Variants in PCDHB14 observed in about 807,000 individuals in gnomAD.
PCDHB14 encodes protocadherin beta 14.
For synonymous variants in PCDHB14, 511 were observed against 441.5 expected (o/e 1.16, Z -1.97); for missense variants, 1,129 against 1,000.5 (o/e 1.13, Z -1.73).
At position 141,224,698 on chromosome 5, in the gene PCDHB14, A is replaced by T; in HGVS notation, c.1193A>T (p.Lys398Met). Reference sequence around the variant, plus strand: ...CCTTTTTTCCTGAAACCGACCTTCAAGAACTTTTTCACTCTAGTTTCTGAA... The same window carrying T: ...CCTTTTTTCCTGAAACCGACCTTCATGAACTTTTTCACTCTAGTTTCTGAA... The part of the protein sequence containing the change: ...NLPFFLKPTF[K>M]NFFTLVSEKA... The change falls in exon 1 of 1, where the codon AAG becomes ATG. Residue 398 changes from lysine (K) to methionine (M), a missense_variant. Transcript: ENST00000239449. 6.2e-7 allele frequency: 1 copy of T among 1,614,212 alleles called. No individual in the cohort carries two copies. Among genetic ancestry groups the T allele is most frequent in the East Asian group, 2.2e-5 (1 of 44,880 alleles).
chr5:141,224,538 C>T lies in PCDHB14; in HGVS notation c.1033C>T (p.Pro345Ser). 2.5e-6 allele frequency: 4 copies of T among 1,612,300 alleles called. No homozygotes were observed. In the South Asian group the frequency reaches 3.3e-5, roughly 13 times the overall value. Reference sequence around the variant, plus strand: ...AGTTATGGATATAAACGACAACCCACCAGAAGTGACCATATCGTCGATTAC... The same window carrying T: ...AGTTATGGATATAAACGACAACCCATCAGAAGTGACCATATCGTCGATTAC... Reference protein sequence around the residue: ...VKVMDINDNPPEVTISSITKR... With the variant: ...VKVMDINDNPSEVTISSITKR... Residue 345 changes from proline to serine, a missense_variant, in exon 1 of 1, where the codon CCA becomes TCA. Transcript: ENST00000239449.
Position 141,225,075 on chromosome 5 carries a change from C to T in PCDHB14, c.1570C>T (p.Leu524=). ...FALRSLDYEA[L]QEFEFRVGAT... ...CCTCAGGTCGCTGGACTACGAGGCC[C>T]TACAGGAGTTCGAGTTTCGCGTGGG... Residue 524 remains leucine, a synonymous_variant, in exon 1 of 1, where the codon CTA becomes TTA. Coordinates refer to ENST00000239449, the MANE Select transcript of PCDHB14 (RefSeq NM_018934.4). The T allele has an allele frequency of 1.2e-6, 2 of 1,612,396 alleles. No homozygotes were observed. The highest frequency in any genetic ancestry group is 1.1e-5 in the South Asian group (1 of 91,004).
In PCDHB14 at chr5:141,224,014, A is replaced by T; in HGVS notation, c.509A>T (p.Tyr170Phe). 6.2e-7 allele frequency: 1 copy of T among 1,613,590 alleles called. No homozygotes were observed. ...LDVGSNSLQN[Y>F]TISPNSHFYI... is the part of the protein sequence containing the mutation. ...GTCGGAAGCAACAGTCTCCAAAACT[A>T]CACAATTAGCCCCAATTCTCACTTC... Residue 170 changes from tyrosine (Y) to phenylalanine (F), a missense_variant, in exon 1 of 1, where the codon TAC becomes TTC. By Grantham distance (22) the Tyr-to-Phe change is conservative. Coordinates refer to ENST00000239449, the MANE Select transcript of PCDHB14 (RefSeq NM_018934.4).
In PCDHB14 at chr5:141,224,143, C is replaced by T. The variant is rs1754780230; in HGVS notation, c.638C>T (p.Thr213Ile). The change falls in exon 1 of 1, where the codon ACA becomes ATA. Residue 213 changes from threonine (T) to isoleucine (I), a missense_variant. Thr to Ile is a moderately conservative substitution (Grantham distance 89, BLOSUM62 -1). Coordinates refer to ENST00000239449, the MANE Select transcript of PCDHB14 (RefSeq NM_018934.4). ...EQEAELRLTLTAVDGGSPPKS... is the reference protein window; with the variant it reads ...EQEAELRLTLIAVDGGSPPKS... ...GAAGCTGAACTCAGATTAACACTCACAGCAGTGGATGGTGGATCCCCGCCC... is the reference window on the plus strand; with the variant it reads ...GAAGCTGAACTCAGATTAACACTCATAGCAGTGGATGGTGGATCCCCGCCC... 6.2e-7 allele frequency: 1 copy of T among 1,614,012 alleles called. No individual in the cohort carries two copies. The highest frequency in any genetic ancestry group is 1.7e-5 in the Admixed American group (1 of 60,006).
chr5:141,225,661 C>A lies in PCDHB14; in HGVS notation c.2156C>A (p.Ala719Glu). ...VAVRLCRRSR[A>E]ASVGRCSVPE... ...GTGCGGCTGTGCAGGAGGAGCAGGG[C>A]GGCCTCGGTGGGTCGCTGCTCGGTG... The change falls in exon 1 of 1, where the codon GCG becomes GAG. Residue 719 changes from alanine to glutamate, a missense_variant. Transcript: ENST00000239449. 1.2e-6 allele frequency: 2 copies of A among 1,613,772 alleles called. No individual in the cohort carries two copies. Among genetic ancestry groups the A allele is most frequent in the Non-Finnish European group, 1.7e-6 (2 of 1,180,026 alleles).
At position 141,223,372 on chromosome 5, in the gene PCDHB14, G is replaced by T. The variant is rs566736643; in HGVS notation, c.-134G>T. The T allele has an allele frequency of 1.2e-5, 8 of 654,118 alleles. No individual in the cohort carries two copies. Among genetic ancestry groups the T allele is most frequent in the African/African-American group, 1.1e-4 (6 of 54,738 alleles). 40.5% of individuals were successfully genotyped at this position (654,118 alleles called of 1,614,324 possible). A position where few individuals can be genotyped will look rare whatever the true frequency, so the allele number is the denominator to read the frequency against. Reference sequence around the variant, plus strand: ...AGCATCCAACCCACTGAAAAGACAGGCATTAAAGGAGCTTCGCCTACAGAG... The same window carrying T: ...AGCATCCAACCCACTGAAAAGACAGTCATTAAAGGAGCTTCGCCTACAGAG... On this transcript the variant is annotated 5_prime_UTR_variant, in exon 1 of 1. Transcript: ENST00000239449.
rs142548755 is a variant in PCDHB14 at position 141,225,069 on chromosome 5, G to A, written c.1564G>A (p.Glu522Lys). 4 of 1,612,418 alleles carry A rather than the reference G, an allele frequency of 2.5e-6. No homozygotes were observed. Among genetic ancestry groups the A allele is most frequent in the South Asian group, 2.2e-5 (2 of 90,988 alleles). The change falls in exon 1 of 1, where the codon GAG (glutamate) becomes AAG (lysine). Residue 522 changes from glutamate to lysine, a missense_variant. Glu to Lys is a moderately conservative substitution (Grantham distance 56). Coordinates refer to ENST00000239449, the MANE Select transcript of PCDHB14 (RefSeq NM_018934.4). The part of the protein sequence containing the change: ...HLFALRSLDY[E>K]ALQEFEFRVG... ...GTTTGCCCTCAGGTCGCTGGACTACGAGGCCCTACAGGAGTTCGAGTTTCG... is the reference window on the plus strand; with the variant it reads ...GTTTGCCCTCAGGTCGCTGGACTACAAGGCCCTACAGGAGTTCGAGTTTCG...
chr5:141,224,960 G>A lies in PCDHB14; in HGVS notation c.1455G>A (p.Gln485=), dbSNP rs1754809479. 1 of 1,612,632 alleles carries A rather than the reference G, an allele frequency of 6.2e-7. No individual in the cohort carries two copies. Among genetic ancestry groups the A allele is most frequent in the Non-Finnish European group, 8.5e-7 (1 of 1,180,034 alleles). ...ACAGAGACTCAGGCACCAACGCCCAGGTCAACTACTCGCTGCTGCCGCCCC... is the reference window on the plus strand; with the variant it reads ...ACAGAGACTCAGGCACCAACGCCCAAGTCAACTACTCGCTGCTGCCGCCCC... ...ATDRDSGTNA[Q]VNYSLLPPQD... is the part of the protein sequence containing the mutation. The change falls in exon 1 of 1, where the codon CAG becomes CAA. Residue 485 remains glutamine, a synonymous_variant. Transcript: ENST00000239449.
chr5:141,223,992 G>A lies in PCDHB14; in HGVS notation c.487G>A (p.Gly163Arg), dbSNP rs1588396656. ...LMESAQDLDV[G>R]SNSLQNYTIS... ...GGAGAGTGCTCAAGATTTGGATGTC[G>A]GAAGCAACAGTCTCCAAAACTACAC... The change falls in exon 1 of 1, where the codon GGA (glycine) becomes AGA (arginine). Residue 163 changes from glycine (G) to arginine (R), a missense_variant. Physicochemically the swap from Gly to Arg is moderately radical, Grantham distance 125. Coordinates refer to ENST00000239449, the MANE Select transcript of PCDHB14 (RefSeq NM_018934.4). 1 of 1,613,330 alleles carries A rather than the reference G, an allele frequency of 6.2e-7. No individual in the cohort carries two copies. The highest frequency in any genetic ancestry group is 1.3e-5 in the African/African-American group (1 of 74,964).
Position 141,224,891 on chromosome 5 carries a change from G to C in PCDHB14, c.1386G>C (p.Glu462Asp). ...CCTCCTACACCCTGTTCGTCCGCGA[G>C]AACAACAGCCCCGCCCTGCACATCG... ...TQTSYTLFVRENNSPALHIGS... is the reference protein window; with the variant it reads ...TQTSYTLFVRDNNSPALHIGS... The change falls in exon 1 of 1, where the codon GAG (glutamate) becomes GAC (aspartate). Residue 462 changes from glutamate (E) to aspartate (D), a missense_variant. Coordinates refer to ENST00000239449, the MANE Select transcript of PCDHB14 (RefSeq NM_018934.4). 1 of 1,613,342 alleles carries C rather than the reference G, an allele frequency of 6.2e-7. No homozygotes were observed. Among genetic ancestry groups the C allele is most frequent in the Non-Finnish European group, 8.5e-7 (1 of 1,180,040 alleles).
Position 141,224,569 on chromosome 5 carries a change from G to T in PCDHB14, c.1064G>T (p.Arg355Ile), listed in dbSNP as rs112597892. The T allele has an allele frequency of 3.1e-6, 5 of 1,612,992 alleles. No homozygotes were observed. In the African/African-American group the frequency reaches 4.0e-5, roughly 13 times the overall value. ...GTGACCATATCGTCGATTACAAAGA[G>T]AATTCCAGAGAATGCCTCAGAGACC... ...PEVTISSITK[R>I]IPENASETLV... is the part of the protein sequence containing the mutation. Residue 355 changes from arginine (R) to isoleucine (I), a missense_variant, in exon 1 of 1, where the codon AGA becomes ATA. Transcript: ENST00000239449.
At position 141,225,521 on chromosome 5, in the gene PCDHB14, G is replaced by T. The variant is rs150724957; in HGVS notation, c.2016G>T (p.Pro672=). The T allele has an allele frequency of 0.019, 31,288 of 1,605,940 alleles. 422 individuals carry two copies. The highest frequency in any genetic ancestry group is 0.023 in the Non-Finnish European group (27,215 of 1,176,782). The part of the protein sequence containing the change: ...LVDGFSQPYL[P]LPEAAPAQAQ... ...ACGGCTTCTCCCAGCCCTACCTGCC[G>T]CTCCCTGAGGCGGCCCCGGCCCAGG... Residue 672 remains proline, a synonymous_variant, in exon 1 of 1, where the codon CCG becomes CCT. Coordinates refer to ENST00000239449, the MANE Select transcript of PCDHB14 (RefSeq NM_018934.4).
chr5:141,225,872 T>C lies in PCDHB14; in HGVS notation c.2367T>C (p.Phe789=). Residue 789 remains phenylalanine (F), a synonymous_variant, in exon 1 of 1, where the codon TTT becomes TTC. Transcript: ENST00000239449. ...TGRNMGEIEN[F]RNSFGLNIQ ...GGAATATGGGGGAAATCGAGAACTT[T>C]CGAAATAGCTTTGGACTTAACATTC... is the stretch of plus-strand genomic sequence containing the variant. The C allele has an allele frequency of 6.2e-7, 1 of 1,613,758 alleles. No individual in the cohort carries two copies. The highest frequency in any genetic ancestry group is 8.5e-7 in the Non-Finnish European group (1 of 1,179,852).
In PCDHB14 at chr5:141,226,085, G is replaced by T; in HGVS notation, c.*183G>T. On this transcript the variant is annotated 3_prime_UTR_variant, in exon 1 of 1. Transcript: ENST00000239449. ...ATAATGACGTGGAAATGTAATCTGT[G>T]TTTTCTGGTTTTTCATTTATTTGGC... is the stretch of plus-strand genomic sequence containing the variant. 2 of 630,832 alleles carry T rather than the reference G, an allele frequency of 3.2e-6. No individual in the cohort carries two copies. The highest frequency in any genetic ancestry group is 5.3e-6 in the Non-Finnish European group (2 of 375,972). The allele number at this position is 630,832 out of a possible 1,614,324, so 39.1% of individuals were successfully genotyped here.
chr5:141,224,927 C>A lies in PCDHB14; in HGVS notation c.1422C>A (p.Ser474Arg). The A allele has an allele frequency of 6.2e-7, 1 of 1,612,928 alleles. No individual in the cohort carries two copies. The highest frequency in any genetic ancestry group is 1.3e-5 in the African/African-American group (1 of 75,030). Residue 474 changes from serine to arginine, a missense_variant, in exon 1 of 1, where the codon AGC (serine) becomes AGA (arginine). Transcript: ENST00000239449. The part of the protein sequence containing the change: ...NSPALHIGSV[S>R]ATDRDSGTNA... Reference sequence around the variant, plus strand: ...CCGCCCTGCACATCGGCAGCGTCAGCGCCACAGACAGAGACTCAGGCACCA... The same window carrying A: ...CCGCCCTGCACATCGGCAGCGTCAGAGCCACAGACAGAGACTCAGGCACCA...
In PCDHB14 at chr5:141,225,506, C is replaced by T. The variant is rs2907322; in HGVS notation, c.2001C>T (p.Ser667=). Residue 667 remains serine (S), a synonymous_variant, in exon 1 of 1, where the codon TCC becomes TCT. Transcript: ENST00000239449. ...ACGTGCTCCTGGTGGACGGCTTCTC[C>T]CAGCCCTACCTGCCGCTCCCTGAGG... ...TLHVLLVDGF[S]QPYLPLPEAA... is the part of the protein sequence containing the mutation. 0.18 allele frequency: 296,695 copies of T among 1,607,246 alleles called. 28,407 individuals are homozygous for T. Among genetic ancestry groups the T allele is most frequent in the African/African-American group, 0.27 (20,554 of 74,936 alleles).
rs781845449 is a variant in PCDHB14, at chr5:141,226,731, C to A, written c.*829C>A. On this transcript the variant is annotated 3_prime_UTR_variant, in exon 1 of 1. Coordinates refer to ENST00000239449, the MANE Select transcript of PCDHB14 (RefSeq NM_018934.4). ...ACCAGCACAGGCCACTACGGCCTGG[C>A]TAATTCTTTTGTATTTTTTTTGTAC... 6.6e-6 allele frequency: 1 copy of A among 152,288 alleles called. No homozygotes were observed. The highest frequency in any genetic ancestry group is 1.9e-4 in the East Asian group (1 of 5,180). 9.4% of individuals were successfully genotyped at this position (152,288 alleles called of 1,614,324 possible).
chr5:141,225,788 A>C lies in PCDHB14; in HGVS notation c.2283A>C (p.Thr761=). 6.2e-7 allele frequency: 1 copy of C among 1,614,216 alleles called. No individual in the cohort carries two copies. The highest frequency in any genetic ancestry group is 2.2e-5 in the East Asian group (1 of 44,868). Residue 761 remains threonine (T), a synonymous_variant, in exon 1 of 1, where the codon ACA becomes ACC. Coordinates refer to ENST00000239449, the MANE Select transcript of PCDHB14 (RefSeq NM_018934.4). ...TGTGTCTGACAGGAGGTTCCGGGAC[A>C]AATGAGTTCAAATTTCTGAAGCCGA... ...YEVCLTGGSG[T]NEFKFLKPII...
Position 141,225,807 on chromosome 5 carries a change from A to G in PCDHB14, c.2302A>G (p.Lys768Glu). The change falls in exon 1 of 1, where the codon AAG (lysine) becomes GAG (glutamate). Residue 768 changes from lysine (K) to glutamate (E), a missense_variant. Lys to Glu is a moderately conservative substitution (Grantham distance 56, BLOSUM62 1). Coordinates refer to ENST00000239449, the MANE Select transcript of PCDHB14 (RefSeq NM_018934.4). ...CGGGACAAATGAGTTCAAATTTCTG[A>G]AGCCGATTATCCCCAATTTTCAAGT... Reference protein sequence around the residue: ...GSGTNEFKFLKPIIPNFQVHD... With the variant: ...GSGTNEFKFLEPIIPNFQVHD... The G allele has an allele frequency of 1.2e-6, 2 of 1,614,098 alleles. No individual in the cohort carries two copies. The highest frequency in any genetic ancestry group is 1.7e-6 in the Non-Finnish European group (2 of 1,180,022).
Sources: allele counts gnomAD v4.1 joint callset, GRCh38; gene constraint gnomAD v4.1.1; transcripts MANE v1.5; gene names NCBI Gene and HGNC (gene_info 2026-07-23, HGNC 2026-07-21).